The following PTPRR variants were observed in gnomAD, a reference collection of about 807,000 sequenced individuals.
PTPRR encodes receptor-type tyrosine-protein phosphatase R.
PTPRR carries 38 observed loss-of-function variants against 77.2 expected under a neutral mutation model. The ratio of observed to expected loss-of-function variants is 0.49; its 90% confidence interval spans 0.38 to 0.65. The LOEUF is 0.65. PTPRR is among the 30% of genes least tolerant of loss of function. The probability of loss-of-function intolerance (pLI) is 0.00; values close to 1 mark genes in which losing one functional copy is unlikely to be tolerated. For synonymous variants in PTPRR, 299 were observed against 283.1 expected, an observed-to-expected ratio of 1.06 and a Z score of -0.57; for missense variants, 744 against 799.2, an observed-to-expected ratio of 0.93 and a Z score of 0.83.
In PTPRR at chr12:70,764,646, C is replaced by A. The variant is rs376778832; in HGVS notation, c.471+19G>T. On this transcript the variant is annotated intron_variant, in intron 3 of 13. Transcript: ENST00000283228. ...ACACACGGCTTGAATTTTGGAAATG[C>A]GAAATGTGGGTATCTTACAATGAGG... The A allele has an allele frequency of 2.4e-5, 38 of 1,585,482 alleles. No homozygotes were observed. Among genetic ancestry groups the A allele is most frequent in the African/African-American group, 1.6e-4 (12 of 74,254 alleles).
chr12:70,672,153 T>C, intron 10 of PTPRR: 1 of 1,479,350 alleles, frequency 6.8e-7, no homozygotes, highest in Non-Finnish European at 9.4e-7. Context: ...ATCCTCTCAG[T>C]GGCAAGAAGA....
intron 6 of PTPRR, among the ~76,000 whole-genome samples, chr12:70,735,771 T>C (rs898212482): frequency 1.3e-5 from 2 of 152,160 alleles, no homozygotes; most frequent in Non-Finnish European, 2.9e-5. Flanking sequence ...AACTGCAAGA[T>C]GGGCATAGAA....
chr12:70,908,502 C>T (rs961727715), intron 1 of PTPRR, among the ~76,000 whole-genome samples: 2 of 152,150 alleles, frequency 1.3e-5, no homozygotes, highest in Non-Finnish European at 2.9e-5. Context: ...GGGGAAGTCC[C>T]TTATAAAACC....
intron 6 of PTPRR, among the ~76,000 whole-genome samples, chr12:70,702,759 T>TGTAA (rs1284684040): frequency 6.6e-6 from 1 of 152,240 alleles, no homozygotes; most frequent in East Asian, 1.9e-4. Context: ...GATGGATATC[T>TGTAA]GTAAGTTTAG....
chr12:70,781,632 A>T (rs1316722865), intron 2 of PTPRR, among the ~76,000 whole-genome samples: 1 of 152,212 alleles, frequency 6.6e-6, no homozygotes, highest in East Asian at 1.9e-4. Flanking sequence ...ATTTGGTCTT[A>T]GTAAACTAAA....
chr12:70,805,077 C>G (rs1011626416), intron 2 of PTPRR, among the ~76,000 whole-genome samples: 43 of 151,936 alleles, frequency 2.8e-4, no homozygotes, highest in African/African-American at 9.9e-4. Context: ...CTTTTATTTT[C>G]TATGATGTTA....
intron 2 of PTPRR, among the ~76,000 whole-genome samples, chr12:70,809,275 T>C (rs942692447): frequency 6.6e-6 from 1 of 152,154 alleles, no homozygotes; most frequent in Non-Finnish European, 1.5e-5. Context: ...AGGTAGAAAG[T>C]ACAAAGCCAG....
At chr12:70,821,703 C>A (rs1892017341) in intron 2 of PTPRR, among the ~76,000 whole-genome samples, 2 of 151,978 alleles carry the variant, frequency 1.3e-5, no homozygotes, top group Non-Finnish European at 2.9e-5. Context: ...ACTCTGTCGC[C>A]CAGGCTGGAG....
At chr12:70,751,389 G>C (rs1890393099) in intron 5 of PTPRR, among the ~76,000 whole-genome samples, 1 of 152,000 alleles carries the variant, frequency 6.6e-6, no homozygotes, top group Non-Finnish European at 1.5e-5. Flanking sequence ...CCTCCAGAAA[G>C]ATCCTCCTCC....
chr12:70,691,288 C>T (rs961168929), intron 8 of PTPRR, among the ~76,000 whole-genome samples: 2 of 152,140 alleles, frequency 1.3e-5, no homozygotes, highest in South Asian at 4.1e-4. Flanking sequence ...CTGAAGCATT[C>T]AAAAACTGTT....
intron 11 of PTPRR, among the ~76,000 whole-genome samples, chr12:70,661,439 A>G (rs1461110769): frequency 6.6e-6 from 1 of 152,210 alleles, no homozygotes; most frequent in Non-Finnish European, 1.5e-5. Flanking sequence ...AGAATGAGAT[A>G]TATTTTGTTT....
chr12:70,918,319 GTA>G (rs1893804509), intron 1 of PTPRR, among the ~76,000 whole-genome samples: 1 of 152,138 alleles, frequency 6.6e-6, no homozygotes, highest in Non-Finnish European at 1.5e-5. Context: ...AAACACCAAT[GTA>G]TTTTACTATA....
chr12:70,905,188 T>C (rs969202448), intron 1 of PTPRR, among the ~76,000 whole-genome samples: 1 of 151,776 alleles, frequency 6.6e-6, no homozygotes, highest in African/African-American at 2.4e-5. Context: ...GGGATGTTAA[T>C]GGGTTTGGTG....
chr12:70,846,957 C>T (rs377743116), intron 2 of PTPRR, among the ~76,000 whole-genome samples: 3 of 152,048 alleles, frequency 2.0e-5, no homozygotes, highest in South Asian at 4.1e-4. Context: ...TCTGCCTCTT[C>T]CCTCCCTCTC....
intron 10 of PTPRR, among the ~76,000 whole-genome samples, chr12:70,666,892 T>C (rs1410972835): frequency 6.6e-6 from 1 of 150,502 alleles, no homozygotes; most frequent in African/African-American, 2.4e-5. Flanking sequence ...ACTTTTTTTA[T>C]GATTCTCACA....
chr12:70,664,162 C>A (rs919078516), intron 10 of PTPRR, among the ~76,000 whole-genome samples: 1 of 152,196 alleles, frequency 6.6e-6, no homozygotes, highest in Non-Finnish European at 1.5e-5. Context: ...GCTTTATTTA[C>A]ATGCCACCTG....
intron 2 of PTPRR, among the ~76,000 whole-genome samples, chr12:70,867,094 G>A (rs1210062258): frequency 6.7e-6 from 1 of 148,840 alleles, no homozygotes; most frequent in East Asian, 2.0e-4. Context: ...TACTGAATGG[G>A]CAAAAACTGG....
chr12:70,677,095 T>A (rs1887478174), intron 10 of PTPRR, among the ~76,000 whole-genome samples: 1 of 152,138 alleles, frequency 6.6e-6, no homozygotes, highest in Non-Finnish European at 1.5e-5. Context: ...ATTTCCTTCA[T>A]CAATGATTTA....
In PTPRR at chr12:70,878,594, C is replaced by T. The variant is rs542914061; in HGVS notation, c.357+14085G>A. Among the ~76,000 whole-genome samples the T allele has an allele frequency of 2.1e-4, 32 of 152,206 alleles. 1 individual carries two copies. The East Asian group carries it at 4.5e-3, about 21-fold the overall frequency. ...TAGAATGGTGATCATTAAAAAGTCA[C>T]GAAACAGCAGGTGCTGGAGAGGATG... is the stretch of plus-strand genomic sequence containing the variant. On this transcript the variant is annotated intron_variant, in intron 2 of 13. Transcript: ENST00000283228.
Sources: allele counts gnomAD v4.1 joint callset (sites outside exome capture counted in the v4.1 genomes callset), GRCh38; gene constraint gnomAD v4.1.1; transcripts MANE v1.5; gene names NCBI Gene and HGNC (gene_info 2026-07-23, HGNC 2026-07-21).